ALDH1L2: variants seen among roughly 807,000 people sequenced by gnomAD.
ALDH1L2 encodes aldehyde dehydrogenase 1 family member L2.
In ALDH1L2, 91 loss-of-function variants were observed where a neutral mutation model predicts 111.0. The observed-to-expected ratio is 0.82, with a 90% CI of 0.69 to 0.98. The LOEUF is 0.98. ALDH1L2 is among the 50% of genes least tolerant of loss of function. The pLI is 0.00. For missense variants in ALDH1L2, 995 were observed against 1,126.8 expected (o/e 0.88, Z 1.67); for synonymous variants, 374 against 392.6 (o/e 0.95, Z 0.56).
In ALDH1L2 at chr12:105,052,274, G is replaced by A. The variant is rs1362404972; in HGVS notation, c.1408-57C>T. ...GAGAGATATGAAAATATGGTTCTTGGAATTAATATTGTATTAATAGAAAAA... is the reference window on the plus strand; with the variant it reads ...GAGAGATATGAAAATATGGTTCTTGAAATTAATATTGTATTAATAGAAAAA... On this transcript the variant is annotated intron_variant, in intron 11 of 22. Coordinates refer to ENST00000258494, the MANE Select transcript of ALDH1L2 (RefSeq NM_001034173.4). 44 of 1,462,342 alleles carry A rather than the reference G, an allele frequency of 3.0e-5. No homozygotes were observed. In the East Asian group the frequency reaches 1.1e-3, roughly 35 times the overall value. The allele number at this position is 1,462,342 out of a possible 1,614,324, so 90.6% of individuals were successfully genotyped here.
intron 5 of ALDH1L2, 22 bp from the exon 6 acceptor site, chr12:105,065,378 G>T (rs1454343020): frequency 6.3e-7 from 1 of 1,596,190 alleles, no homozygotes; most frequent in Non-Finnish European, 8.6e-7. Flanking sequence ...CAAAATACAG[G>T]CTGAGCCTCC....
chr12:105,037,833 C>T (rs566194064), intron 18 of ALDH1L2, among the ~76,000 whole-genome samples: 50 of 150,798 alleles, frequency 3.3e-4, no homozygotes, highest in African/African-American at 1.2e-3. Context: ...GGCGTGATCT[C>T]AGCTCACTGC....
In ALDH1L2 at chr12:105,063,042, CAG is replaced by C; in HGVS notation, c.787-22_787-21del. On this transcript the variant is annotated intron_variant, in intron 6 of 22. Transcript: ENST00000258494. Reference sequence around the variant, plus strand: ...GACCATCTAGTAAAGAGATCAAACACAGATTGTAAAATCAGGAGAAAAGCTGT... The same window carrying C: ...GACCATCTAGTAAAGAGATCAAACACATTGTAAAATCAGGAGAAAAGCTGT... 6.2e-7 allele frequency: 1 copy of C among 1,603,210 alleles called. No homozygotes were observed. The highest frequency in any genetic ancestry group is 8.5e-7 in the Non-Finnish European group (1 of 1,176,540).
At chr12:105,029,901 T>C (rs2136047021) in intron 21 of ALDH1L2, among the ~76,000 whole-genome samples, 1 of 152,312 alleles carries the variant, frequency 6.6e-6, no homozygotes, top group East Asian at 1.9e-4. Flanking sequence ...TTATGAACAT[T>C]TCCATGAAAA....
chr12:105,046,335 T>G (rs779430821), intron 15 of ALDH1L2, among the ~76,000 whole-genome samples: 1 of 148,248 alleles, frequency 6.7e-6, no homozygotes. Flanking sequence ...CTTTACAATA[T>G]TTTTGACAAT....
intron 1 of ALDH1L2, 66 bp downstream of exon 1, chr12:105,084,323 T>G: frequency 2.6e-4 from 187 of 722,496 alleles, no homozygotes; most frequent in Non-Finnish European, 3.6e-4. Context: ...GCCCCGGCCC[T>G]CCCGCCCCGG....
chr12:105,049,736 A>G (rs1876133574), intron 13 of ALDH1L2, 172 bp downstream of exon 13: 2 of 681,400 alleles, frequency 2.9e-6, no homozygotes, highest in Non-Finnish European at 4.4e-6. Flanking sequence ...TCTGTTCTTT[A>G]TAAATTACCT....
At position 105,065,298 on chromosome 12, in the gene ALDH1L2, A is replaced by G. The variant is rs767037988; in HGVS notation, c.755T>C (p.Val252Ala). Residue 252 changes from valine (V) to alanine (A), a missense_variant, in exon 6 of 23, where the codon GTC (valine) becomes GCC (alanine). Transcript: ENST00000258494. ...ATTTATCTCTGTCCAAGCTCCAGGG[A>G]CTTTATCATGACCTCGAATCCAGTT... ...LHNWIRGHDK[V>A]PGAWTEINGQ... 5 of 1,610,038 alleles carry G rather than the reference A, an allele frequency of 3.1e-6. No individual in the cohort carries two copies. The Admixed American group carries it at 5.0e-5, about 16-fold the overall frequency.
At chr12:105,039,687 G>A in intron 17 of ALDH1L2, 26 bp downstream of exon 17, 5 of 1,598,774 alleles carry the variant, frequency 3.1e-6, no homozygotes, top group Non-Finnish European at 4.3e-6. Context: ...AGGATCTGCA[G>A]TGAATCAACA....
intron 19 of ALDH1L2, among the ~76,000 whole-genome samples, chr12:105,034,012 C>G (rs966916534): frequency 4.6e-5 from 7 of 152,100 alleles, no homozygotes; most frequent in African/African-American, 1.7e-4. Context: ...CAGTGAAACC[C>G]CATGTACTCA....
intron 12 of ALDH1L2, 22 bp from the exon 13 acceptor site, chr12:105,050,080 T>G (rs762915536): frequency 1.6e-5 from 25 of 1,560,128 alleles, no homozygotes; most frequent in Non-Finnish European, 2.2e-5. Context: ...GTGAAAGAAA[T>G]AAATTCAACA....
At chr12:105,077,704 C>T (rs908269801) in intron 1 of ALDH1L2, among the ~76,000 whole-genome samples, 3 of 136,360 alleles carry the variant, frequency 2.2e-5, no homozygotes, top group East Asian at 4.2e-4. Flanking sequence ...CTTCAGGAAG[C>T]AAGTTAATAC....
In ALDH1L2 at chr12:105,022,209, G is replaced by C. The variant is rs1411367079; in HGVS notation, c.*2215C>G. On this transcript the variant is annotated 3_prime_UTR_variant, in exon 23 of 23. Transcript: ENST00000258494. The stretch of plus-strand genomic sequence containing the variant: ...ATTCTGATCAGCCAGATCTAAAAAT[G>C]TAAGCTGGTAAGAAATGTTTAAAAC... 1 of 152,218 alleles carries C rather than the reference G, an allele frequency of 6.6e-6. No homozygotes were observed. The highest frequency in any genetic ancestry group is 2.4e-5 in the African/African-American group (1 of 41,448). The allele number at this position is 152,218 out of a possible 1,614,324, so 9.4% of individuals were successfully genotyped here. A position where few individuals can be genotyped will look rare whatever the true frequency, so the allele number is the denominator to read the frequency against.
intron 1 of ALDH1L2, among the ~76,000 whole-genome samples, chr12:105,075,013 T>C (rs1877965966): frequency 6.6e-6 from 1 of 152,202 alleles, no homozygotes; most frequent in South Asian, 2.1e-4. Context: ...TAATTTCCTC[T>C]TCTCAAAAAA....
intron 1 of ALDH1L2, 131 bp downstream of exon 1, chr12:105,084,258 C>G (rs1412162420): frequency 3.7e-6 from 4 of 1,072,730 alleles, no homozygotes; most frequent in Non-Finnish European, 3.8e-6. Flanking sequence ...TTGTTTTAAA[C>G]GCTGTCTTGG....
In ALDH1L2 at chr12:105,074,457, CCAAA is replaced by C. The variant is rs1410077762; in HGVS notation, c.49-456_49-453del. ...TGAGTGACAGAGCAAGACTCTGTCTCCAAAAAAAAAAAAAAAAAAAAAAAAAGAA... is the reference window on the plus strand; with the variant it reads ...TGAGTGACAGAGCAAGACTCTGTCTCAAAAAAAAAAAAAAAAAAAAAAGAA... On this transcript the variant is annotated intron_variant, in intron 1 of 22. Coordinates refer to ENST00000258494, the MANE Select transcript of ALDH1L2 (RefSeq NM_001034173.4). 1.1e-3 allele frequency among the ~76,000 whole-genome samples: 100 copies of C among 93,674 alleles called. 1 individual carries two copies. Among genetic ancestry groups the C allele is most frequent in the African/African-American group, 4.8e-3 (72 of 14,944 alleles). The allele number at this position is 93,674 out of a possible 152,430, so 61.5% of individuals were successfully genotyped here. A position where few individuals can be genotyped will look rare whatever the true frequency, so the allele number is the denominator to read the frequency against.
chr12:105,023,502 T>C lies in ALDH1L2; in HGVS notation c.*922A>G, dbSNP rs1874257941. On this transcript the variant is annotated 3_prime_UTR_variant, in exon 23 of 23. Transcript: ENST00000258494. Reference sequence around the variant, plus strand: ...AAACTATCTCAATATCTTTTAAGAATGGTGACGGAGGAAATCAGAGTTAAA... The same window carrying C: ...AAACTATCTCAATATCTTTTAAGAACGGTGACGGAGGAAATCAGAGTTAAA... 6.6e-6 allele frequency: 1 copy of C among 152,174 alleles called. No homozygotes were observed. The allele number at this position is 152,174 out of a possible 1,614,324, so 9.4% of individuals were successfully genotyped here.
Position 105,024,439 on chromosome 12 carries a change from C to A in ALDH1L2, c.2757G>T (p.Val919=). The change falls in exon 23 of 23, where the codon GTG becomes GTT. Residue 919 remains valine, a synonymous_variant. Transcript: ENST00000258494. Reference sequence around the variant, plus strand: ...TGGTGTTGCTCTAATATTCCAGTGTCACCGTCTTGGTTTTGAGATATTCAT... The same window carrying A: ...TGGTGTTGCTCTAATATTCCAGTGTAACCGTCTTGGTTTTGAGATATTCAT... ...ALNEYLKTKT[V]TLEY is the part of the protein sequence containing the mutation. The A allele has an allele frequency of 6.2e-7, 1 of 1,614,052 alleles. No homozygotes were observed. Among genetic ancestry groups the A allele is most frequent in the South Asian group, 1.1e-5 (1 of 91,068 alleles).
chr12:105,062,646 C>G (rs2136092562), intron 7 of ALDH1L2, among the ~76,000 whole-genome samples: 1 of 152,262 alleles, frequency 6.6e-6, no homozygotes, highest in South Asian at 2.1e-4. Context: ...TGCCCAAGAC[C>G]AGCGAGTGGG....
Sources: allele counts gnomAD v4.1 joint callset (sites outside exome capture counted in the v4.1 genomes callset), GRCh38; gene constraint gnomAD v4.1.1; transcripts MANE v1.5; gene names NCBI Gene and HGNC (gene_info 2026-07-23, HGNC 2026-07-21).